The following CLSTN2 variants were observed in gnomAD, a reference collection of about 807,000 sequenced individuals.
CLSTN2 encodes the protein calsyntenin-2.
CLSTN2 carries 48 observed loss-of-function variants against 101.2 expected under a neutral mutation model. The ratio of observed to expected loss-of-function variants is 0.47; its 90% CI spans 0.38 to 0.60. CLSTN2 has a LOEUF of 0.60. Among genes scored for constraint, CLSTN2 ranks in the 20% least tolerant of loss-of-function variants. CLSTN2 has a pLI of 0.00. For synonymous variants in CLSTN2, 481 were observed against 463.6 expected (o/e 1.04, Z -0.48); for missense variants, 1,160 against 1,238.2 (o/e 0.94, Z 0.95).
intron 2 of CLSTN2, among the ~76,000 whole-genome samples, chr3:140,372,943 C>T (rs1288904575): frequency 2.0e-5 from 3 of 152,132 alleles, no homozygotes; most frequent in Non-Finnish European, 2.9e-5. Flanking sequence ...ATGGCATGTG[C>T]CTGTAGTCCT....
chr3:140,307,077 A>C (rs1175361922), intron 2 of CLSTN2, among the ~76,000 whole-genome samples: 2 of 151,828 alleles, frequency 1.3e-5, no homozygotes, highest in East Asian at 3.9e-4. Flanking sequence ...TATAACCGGG[A>C]ATTTCCCTGC....
intron 2 of CLSTN2, among the ~76,000 whole-genome samples, chr3:140,240,247 T>TATATACAC (rs2086453533): frequency 9.0e-6 from 1 of 111,108 alleles, no homozygotes; most frequent in African/African-American, 3.0e-5. Flanking sequence ...TATATACACA[T>TATATACAC]ATATATACAT....
chr3:140,363,579 G>T (rs1404195658), intron 2 of CLSTN2, among the ~76,000 whole-genome samples: 1 of 152,178 alleles, frequency 6.6e-6, no homozygotes, highest in Admixed American at 6.5e-5. Context: ...AGCTGACAGT[G>T]GAAATGCTGG....
At chr3:140,079,607 C>T (rs1393800015) in intron 1 of CLSTN2, among the ~76,000 whole-genome samples, 24 of 151,988 alleles carry the variant, frequency 1.6e-4, no homozygotes, top group African/African-American at 5.3e-4. Context: ...AAAAATTAGC[C>T]GGGCATGGTG....
At chr3:140,032,301 C>T (rs2007570085) in intron 1 of CLSTN2, among the ~76,000 whole-genome samples, 1 of 150,876 alleles carries the variant, frequency 6.6e-6, no homozygotes, top group Admixed American at 6.6e-5. Context: ...TGTGTGCTCC[C>T]ACCAAGCCTA....
At chr3:140,443,780 C>T (rs1242048869) in intron 5 of CLSTN2, among the ~76,000 whole-genome samples, 1 of 152,200 alleles carries the variant, frequency 6.6e-6, no homozygotes, top group Non-Finnish European at 1.5e-5. Context: ...CTGTGTTAGG[C>T]CCTTAGCCTG....
At chr3:140,160,951 C>A (rs1044468993) in intron 1 of CLSTN2, among the ~76,000 whole-genome samples, 8 of 152,186 alleles carry the variant, frequency 5.3e-5, no homozygotes, top group Non-Finnish European at 1.2e-4. Context: ...GGAGGAATCA[C>A]TGTGTGTCAG....
chr3:140,370,288 T>A (rs540635366), intron 2 of CLSTN2, among the ~76,000 whole-genome samples: 2,395 of 152,258 alleles, frequency 0.016, 59 homozygotes, highest in African/African-American at 0.055. Context: ...GCAGAATCGC[T>A]GGTCCCAAGG....
At chr3:140,479,606 C>A (rs1342898462) in intron 8 of CLSTN2, among the ~76,000 whole-genome samples, 3 of 152,082 alleles carry the variant, frequency 2.0e-5, no homozygotes, top group Non-Finnish European at 4.4e-5. Context: ...TAAGGATTGT[C>A]ATAATGAATG....
Position 139,935,431 on chromosome 3 carries a change from C to A in CLSTN2, c.57C>A (p.Ser19Arg). 1 of 1,231,022 alleles carries A rather than the reference C, an allele frequency of 8.1e-7. No individual in the cohort carries two copies. The highest frequency in any genetic ancestry group is 1.0e-6 in the Non-Finnish European group (1 of 987,204). The allele number at this position is 1,231,022 out of a possible 1,614,324, so 76.3% of individuals were successfully genotyped here. Reference sequence around the variant, plus strand: ...TCCTGCTGGCGCTGGGCGTGGGGAGCGGCAGCGGCGGTGGCGGGGACAGCC... The same window carrying A: ...TCCTGCTGGCGCTGGGCGTGGGGAGAGGCAGCGGCGGTGGCGGGGACAGCC... ...VPLLLALGVG[S>R]GSGGGGDSRQ... The change falls in exon 1 of 17, where the codon AGC (serine) becomes AGA (arginine). Residue 19 changes from serine to arginine, a missense_variant. Transcript: ENST00000458420. This position sits in a 1 kb window ranked among gnomAD's most constrained non-coding sequence, Gnocchi z 5.5.
chr3:140,386,951 G>C (rs765380374), intron 2 of CLSTN2, among the ~76,000 whole-genome samples: 15 of 152,184 alleles, frequency 9.9e-5, no homozygotes, highest in Non-Finnish European at 1.2e-4. Flanking sequence ...GCCTAACCTT[G>C]ACCAAAGCAC....
intron 1 of CLSTN2, among the ~76,000 whole-genome samples, chr3:140,015,089 C>T (rs2007174181): frequency 6.6e-6 from 1 of 152,152 alleles, no homozygotes; most frequent in Non-Finnish European, 1.5e-5. Context: ...CCGTGAGTCC[C>T]ATAGGGGTGG....
chr3:140,328,735 A>T (rs1307557077), intron 2 of CLSTN2, among the ~76,000 whole-genome samples: 1 of 152,214 alleles, frequency 6.6e-6, no homozygotes, highest in African/African-American at 2.4e-5. Flanking sequence ...TGGTCCAGTT[A>T]CTTAACTTCT....
chr3:140,517,667 G>A (rs1934945148), intron 8 of CLSTN2, among the ~76,000 whole-genome samples: 1 of 152,186 alleles, frequency 6.6e-6, no homozygotes, highest in Non-Finnish European at 1.5e-5. Context: ...CCTGTGATGT[G>A]AACCGTCTTC....
At chr3:140,239,415 T>C (rs1289632365) in intron 2 of CLSTN2, among the ~76,000 whole-genome samples, 1 of 152,218 alleles carries the variant, frequency 6.6e-6, no homozygotes, top group Non-Finnish European at 1.5e-5. Flanking sequence ...CAATGCTTTC[T>C]TAATGCTTAG....
At chr3:139,950,836 T>C (rs1935283937) in intron 1 of CLSTN2, among the ~76,000 whole-genome samples, 1 of 152,258 alleles carries the variant, frequency 6.6e-6, no homozygotes, top group Admixed American at 6.5e-5. Context: ...GTGAATTAGA[T>C]GCTTGTTGTC....
chr3:140,318,809 TGAG>T (rs1317142348), intron 2 of CLSTN2, among the ~76,000 whole-genome samples: 1 of 152,206 alleles, frequency 6.6e-6, no homozygotes, highest in Non-Finnish European at 1.5e-5. Flanking sequence ...TGCTAAATGT[TGAG>T]GAGGAGTCCA....
At chr3:140,413,686 T>G (rs992518159) in intron 4 of CLSTN2, among the ~76,000 whole-genome samples, 6 of 152,076 alleles carry the variant, frequency 3.9e-5, no homozygotes, top group African/African-American at 1.4e-4. Flanking sequence ...CAACAGCACA[T>G]TAAAAGGATC....
chr3:140,519,656 T>C (rs1344496194), intron 8 of CLSTN2, among the ~76,000 whole-genome samples: 1 of 152,194 alleles, frequency 6.6e-6, no homozygotes, highest in Non-Finnish European at 1.5e-5. Flanking sequence ...TGTTTTCCAT[T>C]TTCTTGGTAA....
Sources: gnomAD v4.1 joint callset for allele counts (sites outside exome capture counted in the v4.1 genomes callset) on GRCh38, gnomAD v4.1.1 for gene constraint, Gnocchi (gnomAD v3.1) non-coding constraint, MANE v1.5 for transcripts, NCBI Gene and HGNC (gene_info 2026-07-23, HGNC 2026-07-21) for gene names.